P3H2: variants seen among roughly 807,000 people sequenced by gnomAD.
P3H2 encodes prolyl 3-hydroxylase 2.
A neutral mutation model predicts 87.0 loss-of-function variants in P3H2; 80 were observed. The observed-to-expected ratio is 0.92, with a 90% CI of 0.77 to 1.11. The LOEUF is 1.11. P3H2 is among the 50% of genes least tolerant of loss of function. P3H2 has a pLI of 0.00. For synonymous variants in P3H2, 367 were observed against 359.3 expected (o/e 1.02, Z -0.24); for missense variants, 1,001 against 923.9 (o/e 1.08, Z -1.08).
chr3:190,010,557 G>C (rs1050969596), intron 1 of P3H2, among the ~76,000 whole-genome samples: 2 of 152,028 alleles, frequency 1.3e-5, no homozygotes, highest in South Asian at 4.2e-4. Flanking sequence ...CACAAACAGA[G>C]GAAACACTAC....
chr3:190,053,360 C>T (rs1225299877), intron 1 of P3H2, among the ~76,000 whole-genome samples: 1 of 151,220 alleles, frequency 6.6e-6, no homozygotes, highest in Non-Finnish European at 1.5e-5. Flanking sequence ...TTTATATATT[C>T]TAGACACATG....
chr3:189,970,753 TAGAAAAA>T lies in P3H2; in HGVS notation c.1893+56_1893+62del. On this transcript the variant is annotated intron_variant, in intron 13 of 14. Transcript: ENST00000319332. Reference sequence around the variant, plus strand: ...TGAAATCTAACCATCTGTAAGTACTTAGAAAAATGGCAATACTGAGCTAAAACATACT... The same window carrying T: ...TGAAATCTAACCATCTGTAAGTACTTTGGCAATACTGAGCTAAAACATACT... 3 of 947,522 alleles carry T rather than the reference TAGAAAAA, an allele frequency of 3.2e-6. No individual in the cohort carries two copies. In the South Asian group the frequency reaches 3.9e-5, roughly 12 times the overall value. 58.7% of individuals were successfully genotyped at this position (947,522 alleles called of 1,614,324 possible). A position where few individuals can be genotyped will look rare whatever the true frequency, so the allele number is the denominator to read the frequency against.
intron 1 of P3H2, among the ~76,000 whole-genome samples, chr3:190,055,853 C>G (rs948726763): frequency 4.6e-5 from 7 of 152,114 alleles, no homozygotes; most frequent in Non-Finnish European, 1.0e-4. Context: ...CCTCTTTTTC[C>G]TTCTTGGGAT....
At chr3:190,118,024 C>T (rs754746960) in intron 1 of P3H2, among the ~76,000 whole-genome samples, 11 of 152,184 alleles carry the variant, frequency 7.2e-5, no homozygotes, top group Non-Finnish European at 1.6e-4. Flanking sequence ...CATCAGACAA[C>T]ACCCAGTAAT....
chr3:190,111,997 T>C (rs1359766528), intron 1 of P3H2, among the ~76,000 whole-genome samples: 2 of 152,190 alleles, frequency 1.3e-5, no homozygotes, highest in Admixed American at 1.3e-4. Context: ...AATGGAATAA[T>C]GGGGAGTGCG....
intron 1 of P3H2, among the ~76,000 whole-genome samples, chr3:189,997,121 A>G (rs1422165168): frequency 6.6e-6 from 1 of 152,210 alleles, no homozygotes; most frequent in East Asian, 1.9e-4. Context: ...TCCAGGGTTC[A>G]AGCGATTCTC....
intron 13 of P3H2, chr3:189,969,547 G>T (rs940152552): frequency 2.4e-6 from 3 of 1,247,646 alleles, no homozygotes; most frequent in Non-Finnish European, 3.5e-6. Context: ...TGACAATATC[G>T]CCAGGTTGAA....
chr3:189,985,022 A>G (rs1396158121), intron 6 of P3H2, among the ~76,000 whole-genome samples: 5 of 152,096 alleles, frequency 3.3e-5, no homozygotes, highest in African/African-American at 1.2e-4. Flanking sequence ...TCTCTTGGAT[A>G]ACATAATTTT....
intron 1 of P3H2, among the ~76,000 whole-genome samples, chr3:190,078,797 C>G (rs1252364078): frequency 6.6e-6 from 1 of 152,126 alleles, no homozygotes; most frequent in African/African-American, 2.4e-5. Flanking sequence ...CATTCTCTTC[C>G]TTCCCATGAA....
In P3H2 at chr3:189,958,003, T is replaced by C; in HGVS notation, c.2036A>G (p.Glu679Gly). The change falls in exon 15 of 15, where the codon GAG (glutamate) becomes GGG (glycine). Residue 679 changes from glutamate (E) to glycine (G), a missense_variant and splice_region_variant. Glu to Gly is a moderately conservative substitution (Grantham distance 98). Coordinates refer to ENST00000319332, the MANE Select transcript of P3H2 (RefSeq NM_018192.4). ...AATCACTTCATCAGCCTGTATTCGC[T>C]CCTGCAAAAAAGACAATTTACACAT... ...FTLDPLYREL[E>G]RIQADEVIAI... 1 of 1,611,818 alleles carries C rather than the reference T, an allele frequency of 6.2e-7. No individual in the cohort carries two copies. The highest frequency in any genetic ancestry group is 8.5e-7 in the Non-Finnish European group (1 of 1,177,890).
intron 1 of P3H2, among the ~76,000 whole-genome samples, chr3:190,116,118 T>G (rs1282350114): frequency 6.6e-6 from 1 of 152,198 alleles, no homozygotes; most frequent in Non-Finnish European, 1.5e-5. Flanking sequence ...AAATTGTTAC[T>G]GTGGGAATTC....
chr3:190,014,492 G>A (rs948709563), intron 1 of P3H2, among the ~76,000 whole-genome samples: 7 of 152,226 alleles, frequency 4.6e-5, no homozygotes, highest in Admixed American at 2.0e-4. Context: ...ACTGATGAAA[G>A]CAGGCTGCCT....
intron 1 of P3H2, among the ~76,000 whole-genome samples, chr3:190,066,064 G>A (rs1726488410): frequency 6.6e-6 from 1 of 151,658 alleles, no homozygotes; most frequent in African/African-American, 2.4e-5. Context: ...TGTGGTCTGA[G>A]AGAGTACTTG....
chr3:190,027,866 A>G (rs1725129861), intron 1 of P3H2, among the ~76,000 whole-genome samples: 1 of 151,534 alleles, frequency 6.6e-6, no homozygotes, highest in African/African-American at 2.4e-5. Flanking sequence ...CTCTGGCTTC[A>G]CGGAATACAT....
At chr3:190,096,865 CT>C (rs1216684188) in intron 1 of P3H2, among the ~76,000 whole-genome samples, 1 of 152,180 alleles carries the variant, frequency 6.6e-6, no homozygotes. Context: ...GAAAAGACAT[CT>C]TTTTATGAAA....
intron 1 of P3H2, among the ~76,000 whole-genome samples, chr3:190,001,003 C>T (rs1724197588): frequency 6.6e-6 from 1 of 152,190 alleles, no homozygotes; most frequent in South Asian, 2.1e-4. Context: ...CAGCGTAAGT[C>T]AGTTGCCTGT....
chr3:190,015,184 A>T (rs1461609209), intron 1 of P3H2, among the ~76,000 whole-genome samples: 1 of 152,008 alleles, frequency 6.6e-6, no homozygotes, highest in Non-Finnish European at 1.5e-5. Context: ...GCTAATTTTT[A>T]AAAATTATTT....
At chr3:190,015,917 ATGTGTGCATGTG>A (rs1309042469) in intron 1 of P3H2, among the ~76,000 whole-genome samples, 1 of 151,802 alleles carries the variant, frequency 6.6e-6, no homozygotes. Context: ...AAATTTGTGC[ATGTGTGCATGTG>A]TGTGTGCATG....
At chr3:190,088,893 G>A (rs901508755) in intron 1 of P3H2, among the ~76,000 whole-genome samples, 5 of 152,062 alleles carry the variant, frequency 3.3e-5, no homozygotes, top group African/African-American at 7.2e-5. Context: ...GGAATATAGC[G>A]TGTTCGACCC....
Sources: gnomAD v4.1 joint callset for allele counts (sites outside exome capture counted in the v4.1 genomes callset) on GRCh38, gnomAD v4.1.1 for gene constraint, MANE v1.5 for transcripts, NCBI Gene and HGNC (gene_info 2026-07-23, HGNC 2026-07-21) for gene names.